Variants in ABCG2 observed in about 807,000 individuals in gnomAD.
The protein encoded by ABCG2 is broad substrate specificity ATP-binding cassette transporter ABCG2.
ABCG2 carries 80 observed loss-of-function variants against 73.5 expected under a neutral mutation model. The observed-to-expected ratio is 1.09, with a 90% CI of 0.91 to 1.31. The LOEUF (loss-of-function observed/expected upper bound fraction) is 1.31. Ranked by LOEUF, ABCG2 falls within the 50% of genes most tolerant of loss-of-function variation. ABCG2 has a pLI of 0.00. For missense variants in ABCG2, 796 were observed against 786.2 expected, an observed-to-expected ratio of 1.01 and a Z score of -0.15; for synonymous variants, 269 against 282.4, an observed-to-expected ratio of 0.95 and a Z score of 0.48.
intron 1 of ABCG2, among the ~76,000 whole-genome samples, chr4:88,144,845 C>A (rs1421746923): frequency 6.6e-6 from 1 of 151,970 alleles, no homozygotes; most frequent in Non-Finnish European, 1.5e-5. Context: ...TTACAGATAC[C>A]GTATTTCTCA....
chr4:88,202,264 A>C (rs1560753828), intron 1 of ABCG2, among the ~76,000 whole-genome samples: 1 of 148,026 alleles, frequency 6.8e-6, no homozygotes, highest in Non-Finnish European at 1.5e-5. Context: ...TAATCCCATC[A>C]CCTTGGGAGG....
intron 1 of ABCG2, among the ~76,000 whole-genome samples, chr4:88,141,710 C>A (rs2110058802): frequency 6.6e-6 from 1 of 152,218 alleles, no homozygotes; most frequent in South Asian, 2.1e-4. Context: ...ATTCTGAAGG[C>A]TGCCTGATTC....
rs1426565381 is a variant in ABCG2, at chr4:88,158,554, C to T, written c.-188G>A. ...ACTTAACAAGACCACCAAGCATGTG[C>T]ACGGTGCGTTCCTAAATCCTACCCA... On this transcript the variant is annotated 5_prime_UTR_variant, in exon 1 of 16. Coordinates refer to ENST00000237612, the MANE Select transcript of ABCG2 (RefSeq NM_004827.3). The T allele has an allele frequency of 2.2e-6, 1 of 456,344 alleles. No individual in the cohort carries two copies. Among genetic ancestry groups the T allele is most frequent in the Non-Finnish European group, 4.4e-6 (1 of 226,982 alleles). 28.3% of individuals were successfully genotyped at this position (456,344 alleles called of 1,614,324 possible).
chr4:88,227,805 A>G (rs1730284109), intron 1 of ABCG2, among the ~76,000 whole-genome samples: 1 of 152,230 alleles, frequency 6.6e-6, no homozygotes. Flanking sequence ...TAATGCAAAG[A>G]TTGCAAATTA....
At chr4:88,131,349 T>C in intron 4 of ABCG2, 136 bp from the exon 5 acceptor site, 2 of 909,442 alleles carry the variant, frequency 2.2e-6, no homozygotes, top group Non-Finnish European at 3.3e-6. Flanking sequence ...GAACCTGCAG[T>C]TCTGCAAATG....
At chr4:88,146,497 C>T (rs1726012001) in intron 1 of ABCG2, among the ~76,000 whole-genome samples, 1 of 151,852 alleles carries the variant, frequency 6.6e-6, no homozygotes, top group Non-Finnish European at 1.5e-5. Flanking sequence ...CAGGTTCAAG[C>T]AATTCTCCTG....
intron 1 of ABCG2, among the ~76,000 whole-genome samples, chr4:88,202,354 T>TATATATGTATATATATATA: frequency 1.6e-5 from 1 of 62,086 alleles, no homozygotes; most frequent in Non-Finnish European, 3.2e-5. Context: ...CTACAATTAT[T>TATATATGTATATATATATA]TATATATATA....
chr4:88,108,168 G>A (rs1200758392), intron 9 of ABCG2, among the ~76,000 whole-genome samples: 2 of 152,168 alleles, frequency 1.3e-5, no homozygotes, highest in Non-Finnish European at 2.9e-5. Flanking sequence ...TAAGGGTTAC[G>A]TTATGATATA....
chr4:88,193,487 C>T lies in ABCG2; in HGVS notation c.-20+37507G>A, dbSNP rs191260254. Among the ~76,000 whole-genome samples the T allele has an allele frequency of 1.1e-3, 164 of 152,160 alleles. 1 individual carries two copies. The highest frequency in any genetic ancestry group is 3.7e-3 in the African/African-American group (153 of 41,534). On this transcript the variant is annotated intron_variant, in intron 1 of 15. Coordinates refer to the ABCG2 transcript ENST00000515655. Reference sequence around the variant, plus strand: ...TGTTATAATTTTAGCACCTAAAGTACTTGCATCAATAACTATATTATTATT... The same window carrying T: ...TGTTATAATTTTAGCACCTAAAGTATTTGCATCAATAACTATATTATTATT...
intron 5 of ABCG2, among the ~76,000 whole-genome samples, chr4:88,126,705 G>A (rs1208744945): frequency 6.6e-6 from 1 of 152,072 alleles, no homozygotes; most frequent in African/African-American, 2.4e-5. Flanking sequence ...GATGCAGTAA[G>A]GCCTTCGATA....
At chr4:88,187,093 CAAAAAAAAA>C (rs61116461) in intron 1 of ABCG2, among the ~76,000 whole-genome samples, 5 of 45,202 alleles carry the variant, frequency 1.1e-4, no homozygotes, top group African/African-American at 2.9e-4. Context: ...GATTCTGTCT[CAAAAAAAAA>C]AAAAAAAAAA....
At chr4:88,194,916 G>A (rs1349536312) in intron 1 of ABCG2, among the ~76,000 whole-genome samples, 1 of 152,094 alleles carries the variant, frequency 6.6e-6, no homozygotes, top group East Asian at 1.9e-4. Context: ...TTTAGATGTG[G>A]GAAGCCATCA....
chr4:88,124,498 C>G (rs1418046775), intron 5 of ABCG2, among the ~76,000 whole-genome samples: 2 of 152,120 alleles, frequency 1.3e-5, no homozygotes, highest in African/African-American at 2.4e-5. Flanking sequence ...GCAAAAAAAG[C>G]AGGGGTTGCA....
intron 1 of ABCG2, among the ~76,000 whole-genome samples, chr4:88,169,133 C>G (rs1727656129): frequency 6.6e-6 from 1 of 151,132 alleles, no homozygotes; most frequent in African/African-American, 2.4e-5. Flanking sequence ...GCAGCCATGG[C>G]CTCCTGGGTT....
rs753343208 is a variant in ABCG2, at chr4:88,114,997, A to G, written c.903T>C (p.Asp301=). The change falls in exon 8 of 16, where the codon GAT becomes GAC. Residue 301 remains aspartate, a synonymous_variant. Transcript: ENST00000237612. ...CTCTGTTTAATGCCACAGCAGTGGA[A>G]TCTCCATTAATGATGTCCAAGAAGA... is the stretch of plus-strand genomic sequence containing the variant. ...ADFFLDIING[D]STAVALNREE... is the part of the protein sequence containing the mutation. 21 of 1,612,914 alleles carry G rather than the reference A, an allele frequency of 1.3e-5. No homozygotes were observed. Among genetic ancestry groups the G allele is most frequent in the Non-Finnish European group, 1.8e-5 (21 of 1,179,310 alleles).
rs868032462 is a variant in ABCG2 at position 88,121,693 on chromosome 4, C to T, written c.631G>A (p.Glu211Lys). ...CTTGAGTCTAAGCCAGTTGTAGGCT[C>T]ATCCAAGAACAAGATGGAAGGATCA... ...ITDPSILFLD[E>K]PTTGLDSSTA... The change falls in exon 6 of 16, where the codon GAG becomes AAG. Residue 211 changes from glutamate to lysine, a missense_variant. Coordinates refer to ENST00000237612, the MANE Select transcript of ABCG2 (RefSeq NM_004827.3). 3 of 1,614,012 alleles carry T rather than the reference C, an allele frequency of 1.9e-6. No individual in the cohort carries two copies. Among genetic ancestry groups the T allele is most frequent in the Non-Finnish European group, 2.5e-6 (3 of 1,179,996 alleles).
At chr4:88,111,457 G>C (rs372663023) in intron 9 of ABCG2, among the ~76,000 whole-genome samples, 1 of 151,980 alleles carries the variant, frequency 6.6e-6, no homozygotes, top group Non-Finnish European at 1.5e-5. Context: ...CAAGCTCTTA[G>C]ATAAATTTAT....
intron 1 of ABCG2, among the ~76,000 whole-genome samples, chr4:88,190,058 G>T (rs1272013985): frequency 1.3e-5 from 2 of 152,182 alleles, no homozygotes; most frequent in Non-Finnish European, 2.9e-5. Flanking sequence ...TGCAAAGAAG[G>T]CATGGGGTGA....
chr4:88,134,902 AAAAC>A (rs1267254659), intron 2 of ABCG2, among the ~76,000 whole-genome samples: 1 of 152,198 alleles, frequency 6.6e-6, no homozygotes, highest in Non-Finnish European at 1.5e-5. Context: ...AGTTGAGAAC[AAAAC>A]AAACAAACAA....
Sources: gnomAD v4.1 joint callset for allele counts (sites outside exome capture counted in the v4.1 genomes callset) on GRCh38, gnomAD v4.1.1 for gene constraint, MANE v1.5 for transcripts, NCBI Gene and HGNC (gene_info 2026-07-23, HGNC 2026-07-21) for gene names.